Variants in ASCC2 observed in about 807,000 individuals in gnomAD.
ASCC2 encodes the protein ASC-1 complex subunit P100.
Under a neutral mutation model 93.5 loss-of-function variants are expected in ASCC2, and 42 were observed. That is an observed-to-expected ratio of 0.45 (90% CI 0.35 to 0.58). The LOEUF (loss-of-function observed/expected upper bound fraction) is 0.58, where lower values mean the gene tolerates loss of function less well. Among genes scored for constraint, ASCC2 ranks in the 20% least tolerant of loss-of-function variants. The pLI, the probability that ASCC2 is intolerant of heterozygous loss-of-function variation, is 0.00. For missense variants in ASCC2, 859 were observed against 977.6 expected (o/e 0.88, Z 1.62); for synonymous variants, 364 against 384.2 (o/e 0.95, Z 0.62).
chr22:29,825,578 A>G lies in ASCC2; in HGVS notation c.240+44T>C. On this transcript the variant is annotated intron_variant, in intron 3 of 19. Transcript: ENST00000307790. The surrounding 1 kb of genome is among the most constrained non-coding windows in gnomAD (Gnocchi z 4.9). ...ACAACAACAGCAACCAACCAATGGCATGTCATGTGCTTTGTCTTAGCGTTA... is the reference window on the plus strand; with the variant it reads ...ACAACAACAGCAACCAACCAATGGCGTGTCATGTGCTTTGTCTTAGCGTTA... The G allele has an allele frequency of 6.2e-7, 1 of 1,613,304 alleles. No homozygotes were observed. Among genetic ancestry groups the G allele is most frequent in the Non-Finnish European group, 8.5e-7 (1 of 1,179,254 alleles).
At chr22:29,809,289 TATC>T (rs1172667416) in intron 8 of ASCC2, among the ~76,000 whole-genome samples, 1 of 151,878 alleles carries the variant, frequency 6.6e-6, no homozygotes, top group Non-Finnish European at 1.5e-5. Context: ...AAAGTAAATG[TATC>T]ATATTTTCTA....
chr22:29,798,890 T>C (rs1466076897), intron 15 of ASCC2, among the ~76,000 whole-genome samples: 3 of 152,224 alleles, frequency 2.0e-5, no homozygotes, highest in Non-Finnish European at 4.4e-5. Context: ...AATGAACACA[T>C]GAATGGAGGC....
At chr22:29,808,077 C>T (rs2059889893) in intron 9 of ASCC2, 34 bp downstream of exon 9, 3 of 1,611,662 alleles carry the variant, frequency 1.9e-6, no homozygotes, top group Non-Finnish European at 2.5e-6. Context: ...CTCTCTGTCC[C>T]ACAACAACAT....
chr22:29,793,556 G>C, intron 16 of ASCC2, 21 bp downstream of exon 16: 1 of 1,613,576 alleles, frequency 6.2e-7, no homozygotes, highest in African/African-American at 1.3e-5. Context: ...GCCCAGCAGA[G>C]ACCTGGCCTT....
intron 1 of ASCC2, 40 bp from the exon 2 acceptor site, chr22:29,832,382 A>G (rs996070879): frequency 2.0e-6 from 3 of 1,504,562 alleles, no homozygotes; most frequent in Non-Finnish European, 1.8e-6. Context: ...GCAGACACAC[A>G]GACTCCTGGG....
At chr22:29,793,002 G>A (rs1342585031) in intron 17 of ASCC2, among the ~76,000 whole-genome samples, 5 of 151,966 alleles carry the variant, frequency 3.3e-5, no homozygotes, top group Non-Finnish European at 7.4e-5. Context: ...AAAAGTTAGC[G>A]GGGTGTGGTG....
chr22:29,822,044 C>T, intron 5 of ASCC2: 1 of 402,122 alleles, frequency 2.5e-6, no homozygotes, highest in Non-Finnish European at 4.8e-6. Context: ...TCAAACACTG[C>T]AACTTCTGCC....
chr22:29,792,733 G>C (rs1294913438), intron 17 of ASCC2, among the ~76,000 whole-genome samples, 198 bp from the exon 18 acceptor site: 1 of 152,178 alleles, frequency 6.6e-6, no homozygotes, highest in Non-Finnish European at 1.5e-5. Flanking sequence ...TGGGGTTGAG[G>C]GGGAGACTGA....
At chr22:29,799,009 C>T (rs1323590789) in intron 15 of ASCC2, among the ~76,000 whole-genome samples, 1 of 152,238 alleles carries the variant, frequency 6.6e-6, no homozygotes, top group African/African-American at 2.4e-5. Flanking sequence ...AGAAACCTGG[C>T]CACCTCAATG....
At position 29,825,711 on chromosome 22, in the gene ASCC2, G is replaced by T. The variant is rs2062216214; in HGVS notation, c.151C>A (p.Leu51Ile). ...KPPPKDNIPA[L>I]VEEYLERATF... Reference sequence around the variant, plus strand: ...GCGCGTTCCAGGTACTCCTCCACTAGGGCGGGAATGTTGTCTTTAGGGGGC... The same window carrying T: ...GCGCGTTCCAGGTACTCCTCCACTATGGCGGGAATGTTGTCTTTAGGGGGC... The change falls in exon 3 of 20, where the codon CTA becomes ATA. Residue 51 changes from leucine (L) to isoleucine (I), a missense_variant. Transcript: ENST00000307790. This position sits in a 1 kb window ranked among gnomAD's most constrained non-coding sequence, Gnocchi z 4.9. The T allele has an allele frequency of 6.2e-7, 1 of 1,614,102 alleles. No individual in the cohort carries two copies. Among genetic ancestry groups the T allele is most frequent in the East Asian group, 2.2e-5 (1 of 44,900 alleles).
At chr22:29,804,595 G>A (rs2059461325) in intron 13 of ASCC2, 43 bp downstream of exon 13, 1 of 1,597,402 alleles carries the variant, frequency 6.3e-7, no homozygotes, top group East Asian at 2.2e-5. Flanking sequence ...ATAGGGCCAA[G>A]GAGGGACAAG....
chr22:29,831,688 G>A (rs1473591009), intron 2 of ASCC2, among the ~76,000 whole-genome samples: 2 of 152,142 alleles, frequency 1.3e-5, no homozygotes, highest in African/African-American at 4.8e-5. Context: ...TCAGCAGCCT[G>A]GCACCTCTCC....
chr22:29,823,196 A>G (rs1018438389), intron 4 of ASCC2, among the ~76,000 whole-genome samples: 1 of 150,520 alleles, frequency 6.6e-6, no homozygotes, highest in African/African-American at 2.5e-5. Flanking sequence ...TCGCCACCAC[A>G]CCCAGCTAAT....
At chr22:29,803,156 C>G (rs187560831) in intron 13 of ASCC2, among the ~76,000 whole-genome samples, 1 of 150,634 alleles carries the variant, frequency 6.6e-6, no homozygotes, top group African/African-American at 2.4e-5. Flanking sequence ...GAGGCTGACA[C>G]AGGAGAATCG....
Position 29,804,652 on chromosome 22 carries a change from AGTTCTCCGG to A in ASCC2, c.1330_1338del (p.Pro444_Asn446del), listed in dbSNP as rs760533574. 71 of 1,613,852 alleles carry A rather than the reference AGTTCTCCGG, an allele frequency of 4.4e-5. 1 individual carries two copies. In the South Asian group the frequency reaches 6.4e-4, roughly 14 times the overall value. On this transcript the variant is annotated inframe_deletion, in exon 13 of 20. Coordinates refer to ENST00000307790, the MANE Select transcript of ASCC2 (RefSeq NM_032204.5). ...CAGACACATACCTCCTCTTCCTCCGAGTTCTCCGGATGTGATGATGCTTGACTGACTGCC... is the reference window on the plus strand; with the variant it reads ...CAGACACATACCTCCTCTTCCTCCGAATGTGATGATGCTTGACTGACTGCC...
chr22:29,822,122 T>C, intron 5 of ASCC2: 1 of 606,322 alleles, frequency 1.6e-6, no homozygotes. Flanking sequence ...TGGGGAACTG[T>C]CTGGTACACA....
At chr22:29,827,871 AC>A (rs1225303979) in intron 2 of ASCC2, among the ~76,000 whole-genome samples, 13 of 136,012 alleles carry the variant, frequency 9.6e-5, no homozygotes, top group African/African-American at 3.1e-4. Flanking sequence ...ACACACACAC[AC>A]ACACACACCA....
At position 29,804,654 on chromosome 22, in the gene ASCC2, T is replaced by A. The variant is rs201349838; in HGVS notation, c.1337A>T (p.Asn446Ile). Residue 446 changes from asparagine (N) to isoleucine (I), a missense_variant, in exon 13 of 20, where the codon AAC becomes ATC. Physicochemically the swap from Asn to Ile is moderately radical, Grantham distance 149. Coordinates refer to ENST00000307790, the MANE Select transcript of ASCC2 (RefSeq NM_032204.5). Reference protein sequence around the residue: ...AVSQASSHPENSEEEECMGAA... With the variant: ...AVSQASSHPEISEEEECMGAA... ...GACACATACCTCCTCTTCCTCCGAG[T>A]TCTCCGGATGTGATGATGCTTGACT... is the stretch of plus-strand genomic sequence containing the variant. 16 of 1,613,790 alleles carry A rather than the reference T, an allele frequency of 9.9e-6. No homozygotes were observed. The Admixed American group carries it at 2.3e-4, about 24-fold the overall frequency.
chr22:29,814,622 G>A (rs749527319), intron 7 of ASCC2, 35 bp downstream of exon 7: 13 of 1,542,586 alleles, frequency 8.4e-6, no homozygotes, highest in South Asian at 2.4e-5. Context: ...GGAGGGACCC[G>A]GCAGGAAAGA....
Sources: allele counts gnomAD v4.1 joint callset (sites outside exome capture counted in the v4.1 genomes callset), GRCh38; gene constraint gnomAD v4.1.1; non-coding constraint Gnocchi (gnomAD v3.1); transcripts MANE v1.5; gene names NCBI Gene and HGNC (gene_info 2026-07-23, HGNC 2026-07-21).